Variants in FKBP11 observed in about 807,000 individuals in gnomAD.
The protein encoded by FKBP11 is peptidyl-prolyl cis-trans isomerase FKBP11.
FKBP11 carries 21 observed loss-of-function variants against 24.7 expected under a neutral mutation model. That is an observed-to-expected ratio of 0.85 (90% CI 0.60 to 1.23). The LOEUF (loss-of-function observed/expected upper bound fraction) is 1.23. FKBP11 is among the 50% of genes most tolerant of loss of function. The probability of loss-of-function intolerance (pLI) is 0.00; values close to 1 mark genes in which losing one functional copy is unlikely to be tolerated. For missense variants in FKBP11, 245 were observed against 248.7 expected (o/e 0.99, Z 0.10); for synonymous variants, 106 against 100.6 (o/e 1.05, Z -0.32).
rs928929024 is a variant in FKBP11 at position 48,925,404 on chromosome 12, G to C, written c.25C>G (p.Pro9Ala). The C allele has an allele frequency of 9.5e-6, 15 of 1,581,162 alleles. No homozygotes were observed. The highest frequency in any genetic ancestry group is 1.2e-5 in the Non-Finnish European group (14 of 1,164,764). Residue 9 changes from proline to alanine, a missense_variant, in exon 1 of 6, where the codon CCG (proline) becomes GCG (alanine). Transcript: ENST00000550765. ...AGCAGCAGCAGCAGCAGATGGAGCG[G>C]GAGGAGTGAGGGGCGCAGGGTCATG... is the stretch of plus-strand genomic sequence containing the variant. MTLRPSLLPLHLLLLLLLS... is the reference protein window; with the variant it reads MTLRPSLLALHLLLLLLLS...
At chr12:48,929,048 C>T (rs910166143), upstream of FKBP11, among the ~76,000 whole-genome samples, 2 of 148,216 alleles carry the variant, frequency 1.3e-5, no homozygotes, top group South Asian at 2.2e-4. Context: ...AGGATGGTCT[C>T]GATCTCCTGA....
At chr12:48,929,144 T>TC (rs1940018196), upstream of FKBP11, among the ~76,000 whole-genome samples, 1 of 151,492 alleles carries the variant, frequency 6.6e-6, no homozygotes, top group South Asian at 2.1e-4. Flanking sequence ...TTCTATCTTG[T>TC]TTAAGAAAAG....
the FKBP11 span, chr12:48,937,912 T>TTC: frequency 6.2e-5 from 10 of 160,958 alleles, no homozygotes; most frequent in African/African-American, 2.4e-4. Context: ...ATGCCTCACC[T>TTC]TCTCCTAATA....
the FKBP11 span, among the ~76,000 whole-genome samples, chr12:48,933,415 T>C: frequency 6.6e-6 from 1 of 152,112 alleles, no homozygotes; most frequent in Admixed American, 6.5e-5. Context: ...GAAAAGAAGC[T>C]TTTCTGCCAG....
chr12:48,923,178 A>C, intron 5 of FKBP11: 1 of 1,196,986 alleles, frequency 8.4e-7, no homozygotes, highest in Non-Finnish European at 1.0e-6. Context: ...CGAGCCCAAT[A>C]CTCTGTGGAG....
chr12:48,937,685 C>A, the FKBP11 span: 1 of 152,292 alleles, frequency 6.6e-6, no homozygotes, highest in African/African-American at 2.4e-5. Context: ...TTTAGCATAT[C>A]CTGGACTAGA....
Position 48,923,765 on chromosome 12 carries a change from A to G in FKBP11, c.388+17T>C. Reference sequence around the variant, plus strand: ...TGGGTATTTTGATGGCCTGAGAGAGAGTCCTAGTCAGATTACCTGGGACAG... The same window carrying G: ...TGGGTATTTTGATGGCCTGAGAGAGGGTCCTAGTCAGATTACCTGGGACAG... On this transcript the variant is annotated intron_variant, in intron 5 of 5. Transcript: ENST00000550765. The G allele has an allele frequency of 6.2e-7, 1 of 1,611,264 alleles. No homozygotes were observed.
At chr12:48,931,417 C>G (rs1940049159), upstream of FKBP11, 34 of 1,535,896 alleles carry the variant, frequency 2.2e-5, no homozygotes, top group Non-Finnish European at 2.9e-5. Flanking sequence ...CCACAGGCAG[C>G]ACAAGCCCAT....
the FKBP11 span, among the ~76,000 whole-genome samples, chr12:48,934,780 G>A: frequency 6.6e-6 from 1 of 152,092 alleles, no homozygotes; most frequent in Non-Finnish European, 1.5e-5. Context: ...TTGGGAGGCT[G>A]AGGTGGGCAG....
chr12:48,922,839 T>C, intron 5 of FKBP11: 1 of 1,020,012 alleles, frequency 9.8e-7, no homozygotes, highest in Non-Finnish European at 1.2e-6. Context: ...TCCTCTAAGC[T>C]GGAACTAGGA....
In FKBP11 at chr12:48,925,392, G is replaced by A; in HGVS notation, c.37C>T (p.Leu13=). ...LRPSLLPLHL[L]LLLLLSAAVC... ...GCCGCACTGAGCAGCAGCAGCAGCAGCAGATGGAGCGGGAGGAGTGAGGGG... is the reference window on the plus strand; with the variant it reads ...GCCGCACTGAGCAGCAGCAGCAGCAACAGATGGAGCGGGAGGAGTGAGGGG... Residue 13 remains leucine (L), a synonymous_variant, in exon 1 of 6, where the codon CTG becomes TTG. Coordinates refer to ENST00000550765, the MANE Select transcript of FKBP11 (RefSeq NM_016594.3). 1 of 1,591,402 alleles carries A rather than the reference G, an allele frequency of 6.3e-7. No individual in the cohort carries two copies. The highest frequency in any genetic ancestry group is 8.5e-7 in the Non-Finnish European group (1 of 1,170,104).
chr12:48,923,143 C>T, intron 5 of FKBP11: 2 of 1,067,992 alleles, frequency 1.9e-6, no homozygotes, highest in Non-Finnish European at 2.3e-6. Flanking sequence ...AGTGAAACTC[C>T]ATCTCAAAAA....
the FKBP11 span, among the ~76,000 whole-genome samples, chr12:48,935,560 G>A: frequency 6.6e-6 from 1 of 152,128 alleles, no homozygotes; most frequent in East Asian, 1.9e-4. Flanking sequence ...TGGTGGGAGT[G>A]CGATGGGAGG....
At chr12:48,935,231 C>A in the FKBP11 span, among the ~76,000 whole-genome samples, 2 of 151,904 alleles carry the variant, frequency 1.3e-5, no homozygotes, top group African/African-American at 4.8e-5. Flanking sequence ...TGGGTGGAAG[C>A]ACTGGTCCTT....
rs769451035 is a variant in FKBP11, at chr12:48,924,259, TGAA to T, written c.284-6_284-4del. Reference sequence around the variant, plus strand: ...GTCGAGAAGACTCTGCTCCAGACCTTGAAGAAGAAGACACAACTGAACTGGAAG... The same window carrying T: ...GTCGAGAAGACTCTGCTCCAGACCTTGAAGAAGACACAACTGAACTGGAAG... On this transcript the variant is annotated splice_region_variant and splice_polypyrimidine_tract_variant and intron_variant, in intron 3 of 5. Coordinates refer to ENST00000550765, the MANE Select transcript of FKBP11 (RefSeq NM_016594.3). 4.8e-5 allele frequency: 77 copies of T among 1,614,034 alleles called. No individual in the cohort carries two copies. The highest frequency in any genetic ancestry group is 2.4e-4 in the South Asian group (22 of 91,090).
chr12:48,924,896 A>T (rs1270173476), intron 2 of FKBP11, 150 bp downstream of exon 2: 3 of 1,441,520 alleles, frequency 2.1e-6, no homozygotes, highest in Non-Finnish European at 1.8e-6. Flanking sequence ...ACGGAAGAGC[A>T]ACGTCTCTCC....
At chr12:48,932,261 ATTTTTTTTTT>A in the FKBP11 span, among the ~76,000 whole-genome samples, 143 of 30,362 alleles carry the variant, frequency 4.7e-3, no homozygotes, top group Middle Eastern at 0.05. Flanking sequence ...ATATATATAT[ATTTTTTTTTT>A]TTTTTTTTTT....
the FKBP11 span, among the ~76,000 whole-genome samples, chr12:48,932,561 C>T: frequency 1.3e-5 from 2 of 152,060 alleles, no homozygotes; most frequent in South Asian, 4.2e-4. Flanking sequence ...GAGGTATCAT[C>T]CCATAAATGC....
At position 48,925,028 on chromosome 12, in the gene FKBP11, G is replaced by A; in HGVS notation, c.195+18C>T. 6.5e-7 allele frequency: 1 copy of A among 1,538,172 alleles called. No homozygotes were observed. The highest frequency in any genetic ancestry group is 1.4e-5 in the African/African-American group (1 of 73,284). On this transcript the variant is annotated intron_variant, in intron 2 of 5. Coordinates refer to ENST00000550765, the MANE Select transcript of FKBP11 (RefSeq NM_016594.3). ...CCGCCCCCTCCCAGGCCCCGCCCCG[G>A]CCCCCCAGACCCCTCACCGTGTAGT... is the stretch of plus-strand genomic sequence containing the variant.
Sources: allele counts gnomAD v4.1 joint callset (sites outside exome capture counted in the v4.1 genomes callset), GRCh38; gene constraint gnomAD v4.1.1; transcripts MANE v1.5; gene names NCBI Gene and HGNC (gene_info 2026-07-23, HGNC 2026-07-21).